ZC3H18: variants seen among roughly 807,000 people sequenced by gnomAD.
The protein encoded by ZC3H18 is zinc finger CCCH domain-containing protein 18.
ZC3H18 carries 8 observed loss-of-function variants against 106.1 expected under a neutral mutation model. The observed-to-expected ratio is 0.08, with a 90% confidence interval of 0.04 to 0.14. The LOEUF is 0.14. Among genes scored for constraint, ZC3H18 ranks in the 10% least tolerant of loss-of-function variants. The pLI, the probability that ZC3H18 is intolerant of heterozygous loss-of-function variation, is 1.00. For missense variants in ZC3H18, 1,318 were observed against 1,278.4 expected (o/e 1.03, Z -0.47); for synonymous variants, 635 against 522.1 (o/e 1.22, Z -2.95).
At chr16:88,586,016 C>T (rs1472698580) in intron 2 of ZC3H18, among the ~76,000 whole-genome samples, 1 of 151,990 alleles carries the variant, frequency 6.6e-6, no homozygotes, top group Non-Finnish European at 1.5e-5. Context: ...GGGGAGAGCA[C>T]CAAGCAAGGG....
chr16:88,610,817 C>G (rs1905234905), intron 7 of ZC3H18, among the ~76,000 whole-genome samples: 1 of 152,246 alleles, frequency 6.6e-6, no homozygotes, highest in Non-Finnish European at 1.5e-5. Flanking sequence ...AAGCCTGGAA[C>G]TCCCGTCTCT....
At chr16:88,614,233 G>A (rs1017312132) in intron 8 of ZC3H18, among the ~76,000 whole-genome samples, 21 of 152,254 alleles carry the variant, frequency 1.4e-4, no homozygotes, top group Admixed American at 9.2e-4. Context: ...GAGCCACACA[G>A]TGGCCACACT....
intron 17 of ZC3H18, 149 bp downstream of exon 17, chr16:88,630,730 GA>G: frequency 1.7e-6 from 1 of 602,786 alleles, no homozygotes; most frequent in South Asian, 2.0e-5. Context: ...GAGGGGCATG[GA>G]CAGCGAATTG....
At chr16:88,579,490 C>CTT (rs1914976739) in intron 2 of ZC3H18, among the ~76,000 whole-genome samples, 1 of 152,138 alleles carries the variant, frequency 6.6e-6, no homozygotes, top group South Asian at 2.1e-4. Context: ...CATAGTGGTC[C>CTT]TGAAAGGCCA....
At chr16:88,604,014 C>A (rs1904886836) in intron 6 of ZC3H18, among the ~76,000 whole-genome samples, 1 of 152,042 alleles carries the variant, frequency 6.6e-6, no homozygotes, top group Non-Finnish European at 1.5e-5. Flanking sequence ...TCCGTTTCTA[C>A]CACCTCAAGC....
At chr16:88,593,045 A>T (rs1915844584) in intron 3 of ZC3H18, among the ~76,000 whole-genome samples, 1 of 152,262 alleles carries the variant, frequency 6.6e-6, no homozygotes, top group Non-Finnish European at 1.5e-5. Context: ...GAGATTAACA[A>T]CAATAGCCAA....
rs368153496 is a variant in ZC3H18, at chr16:88,621,775, G to A, written c.1476-422G>A. Among the ~76,000 whole-genome samples the A allele has an allele frequency of 4.6e-5, 7 of 152,326 alleles. No homozygotes were observed. The South Asian group carries it at 1.2e-3, about 27-fold the overall frequency. On this transcript the variant is annotated intron_variant, in intron 8 of 17. Transcript: ENST00000301011. ...CAAAGTGCTGGGATTGCAGGCGTGTGCCACCATACCTGGGCTTATTTCATA... is the reference window on the plus strand; with the variant it reads ...CAAAGTGCTGGGATTGCAGGCGTGTACCACCATACCTGGGCTTATTTCATA...
At chr16:88,600,305 G>C (rs1238840026) in intron 6 of ZC3H18, among the ~76,000 whole-genome samples, 1 of 152,202 alleles carries the variant, frequency 6.6e-6, no homozygotes, top group Non-Finnish European at 1.5e-5. Context: ...GCCAGGAAAC[G>C]TGTGGAGGTT....
At position 88,593,337 on chromosome 16, in the gene ZC3H18, T is replaced by G. The variant is rs189715472; in HGVS notation, c.689-4841T>G. On this transcript the variant is annotated intron_variant, in intron 3 of 17. Transcript: ENST00000301011. ...GCCAAGAGGGCTGCTAAGTGACTAG[T>G]GGGCAGTTAGCGTCGTGGACAGCTT... 7.6e-4 allele frequency among the ~76,000 whole-genome samples: 116 copies of G among 152,362 alleles called. 1 individual carries two copies. The highest frequency in any genetic ancestry group is 1.3e-3 in the Non-Finnish European group (87 of 68,034).
intron 2 of ZC3H18, among the ~76,000 whole-genome samples, chr16:88,579,344 C>T (rs1441221265): frequency 2.0e-5 from 3 of 152,142 alleles, no homozygotes; most frequent in Non-Finnish European, 1.5e-5. Context: ...CTGGGGGTAA[C>T]AGCCCTGTCT....
At chr16:88,573,413 A>G (rs1226703333) in intron 1 of ZC3H18, among the ~76,000 whole-genome samples, 1 of 152,090 alleles carries the variant, frequency 6.6e-6, no homozygotes, top group Non-Finnish European at 1.5e-5. Flanking sequence ...GCAGACTCCC[A>G]GTCTTGAACA....
intron 8 of ZC3H18, among the ~76,000 whole-genome samples, chr16:88,618,787 C>G (rs885157): frequency 6.6e-6 from 1 of 152,088 alleles, no homozygotes; most frequent in African/African-American, 2.4e-5. Context: ...CTGGAGGGTT[C>G]TCCCCTGCGG....
At chr16:88,570,798 G>A (rs868789546) in intron 1 of ZC3H18, among the ~76,000 whole-genome samples, 1 of 152,074 alleles carries the variant, frequency 6.6e-6, no homozygotes, top group Non-Finnish European at 1.5e-5. Context: ...GGGCGCCCTG[G>A]GCGCCCGAGC....
chr16:88,624,431 C>T, intron 11 of ZC3H18, 171 bp from the exon 12 acceptor site: 1 of 1,098,294 alleles, frequency 9.1e-7, no homozygotes, highest in South Asian at 1.5e-5. Flanking sequence ...AAGCCGTTCC[C>T]AAGCACTCTG....
chr16:88,587,496 G>A lies in ZC3H18; in HGVS notation c.688+812G>A, dbSNP rs939764414. 8.1e-6 allele frequency: 12 copies of A among 1,487,932 alleles called. No homozygotes were observed. In the African/African-American group the frequency reaches 1.4e-4, roughly 17 times the overall value. The allele number at this position is 1,487,932 out of a possible 1,614,324, so 92.2% of individuals were successfully genotyped here. A position where few individuals can be genotyped will look rare whatever the true frequency, so the allele number is the denominator to read the frequency against. On this transcript the variant is annotated intron_variant, in intron 3 of 17. Transcript: ENST00000301011. ...TAGATGACTGTCACTGCCAGCCTGTGTGTGCCATCTAAAGCTCACAAGAGC... is the reference window on the plus strand; with the variant it reads ...TAGATGACTGTCACTGCCAGCCTGTATGTGCCATCTAAAGCTCACAAGAGC...
intron 5 of ZC3H18, 144 bp downstream of exon 5, chr16:88,598,856 T>A: frequency 2.8e-6 from 2 of 710,086 alleles, no homozygotes; most frequent in South Asian, 5.0e-5. Context: ...TTTCTTTATT[T>A]TTTATTTATT....
chr16:88,590,971 C>G (rs28642391), intron 3 of ZC3H18, among the ~76,000 whole-genome samples: 1,305 of 97,546 alleles, frequency 0.013, 17 homozygotes, highest in East Asian at 0.04. Flanking sequence ...TGGTGGAATA[C>G]TTTTTTTTTT....
At chr16:88,620,054 G>C (rs950450200) in intron 8 of ZC3H18, among the ~76,000 whole-genome samples, 1 of 152,200 alleles carries the variant, frequency 6.6e-6, no homozygotes, top group South Asian at 2.1e-4. Context: ...TCGCGTGTCC[G>C]TGTCCTTAGG....
Position 88,577,399 on chromosome 16 carries a change from G to T in ZC3H18, c.276G>T (p.Pro92=), listed in dbSNP as rs1441157212. ...AGGTGAATGAGCTGAGCCGGGGCCC[G>T]ACCAGCTCCCCCTGCGAGGAGGAGG... ...DSEVNELSRG[P]TSSPCEEEGD... is the part of the protein sequence containing the mutation. The change falls in exon 2 of 18, where the codon CCG becomes CCT. Residue 92 remains proline (P), a synonymous_variant. Coordinates refer to ENST00000301011, the MANE Select transcript of ZC3H18 (RefSeq NM_144604.4). 3.1e-6 allele frequency: 5 copies of T among 1,598,794 alleles called. No individual in the cohort carries two copies. The highest frequency in any genetic ancestry group is 4.3e-6 in the Non-Finnish European group (5 of 1,170,872).
Sources: allele counts gnomAD v4.1 joint callset (sites outside exome capture counted in the v4.1 genomes callset), GRCh38; gene constraint gnomAD v4.1.1; transcripts MANE v1.5; gene names NCBI Gene and HGNC (gene_info 2026-07-23, HGNC 2026-07-21).